The following CILK1 variants were observed in gnomAD, a reference collection of about 807,000 sequenced individuals.
CILK1 encodes the protein ciliogenesis associated kinase 1, also known as serine/threonine-protein kinase ICK.
In CILK1, 47 loss-of-function variants were observed where a neutral mutation model predicts 79.2. The observed-to-expected ratio is 0.59, with a 90% CI of 0.47 to 0.76. The LOEUF (loss-of-function observed/expected upper bound fraction) is 0.76. CILK1 is among the 30% of genes least tolerant of loss of function. CILK1 has a pLI of 0.00. For missense variants in CILK1, 660 were observed against 769.5 expected, an observed-to-expected ratio of 0.86 and a Z score of 1.68; for synonymous variants, 266 against 275.9, an observed-to-expected ratio of 0.96 and a Z score of 0.36.
chr6:53,039,139 G>A (rs756076424), intron 2 of CILK1, among the ~76,000 whole-genome samples: 62 of 152,196 alleles, frequency 4.1e-4, no homozygotes, highest in Non-Finnish European at 7.2e-4. Flanking sequence ...TTTAGCCCCT[G>A]CTATGTAGTA....
chr6:53,048,936 T>C (rs1198263638), intron 1 of CILK1, among the ~76,000 whole-genome samples: 1 of 152,136 alleles, frequency 6.6e-6, no homozygotes, highest in African/African-American at 2.4e-5. Context: ...AGGAATCTAC[T>C]CCCTAATAAA....
chr6:53,007,976 A>G (rs1303925387), intron 12 of CILK1, among the ~76,000 whole-genome samples: 3 of 150,824 alleles, frequency 2.0e-5, no homozygotes, highest in African/African-American at 7.3e-5. Flanking sequence ...TAAATAAAAT[A>G]AAATAAAATA....
At chr6:53,037,782 C>A (rs1252003804) in intron 3 of CILK1, among the ~76,000 whole-genome samples, 157 bp downstream of exon 3, 2 of 152,106 alleles carry the variant, frequency 1.3e-5, no homozygotes, top group East Asian at 3.8e-4. Flanking sequence ...TACAATTATA[C>A]CATAATCTTC....
In CILK1 at chr6:53,005,132, A is replaced by G. The variant is rs1764140686; in HGVS notation, c.*17T>C. 2 of 1,613,872 alleles carry G rather than the reference A, an allele frequency of 1.2e-6. No homozygotes were observed. The highest frequency in any genetic ancestry group is 1.7e-6 in the Non-Finnish European group (2 of 1,179,982). ...CCTGCTTCTCCCTAGGAAGAGATTC[A>G]TCACCAAGGCAGACAGTCATCGCCG... On this transcript the variant is annotated 3_prime_UTR_variant, in exon 14 of 14. Transcript: ENST00000676107.
intron 8 of CILK1, among the ~76,000 whole-genome samples, chr6:53,015,363 G>A (rs1238365947): frequency 3.3e-5 from 5 of 152,174 alleles, no homozygotes; most frequent in Non-Finnish European, 7.3e-5. Flanking sequence ...AAGTCTAAGT[G>A]GCCCATGGGA....
intron 6 of CILK1, 49 bp downstream of exon 6, chr6:53,019,178 T>A: frequency 3.2e-6 from 5 of 1,542,492 alleles, no homozygotes. Context: ...CATAATGATA[T>A]CTTTTTAAAG....
intron 5 of CILK1, among the ~76,000 whole-genome samples, chr6:53,024,477 C>G (rs222461): frequency 6.6e-6 from 1 of 152,050 alleles, no homozygotes. Context: ...ACCCTCTGTT[C>G]TTCAGAGCAC....
rs919772813 is a variant in CILK1 at position 53,061,655 on chromosome 6, G to A, written c.-232C>T. 19 of 152,446 alleles carry A rather than the reference G, an allele frequency of 1.2e-4. No individual in the cohort carries two copies. Among genetic ancestry groups the A allele is most frequent in the African/African-American group, 4.3e-4 (18 of 41,592 alleles). The allele number at this position is 152,446 out of a possible 1,614,324, so 9.4% of individuals were successfully genotyped here. A position where few individuals can be genotyped will look rare whatever the true frequency, so the allele number is the denominator to read the frequency against. On this transcript the variant is annotated 5_prime_UTR_variant, in exon 1 of 14. Transcript: ENST00000676107. ...AGGTGAGCGCAGCTCCTCGACGAGCGGGGCGCAGCCGCCCGCTCCGGAGCT... is the reference window on the plus strand; with the variant it reads ...AGGTGAGCGCAGCTCCTCGACGAGCAGGGCGCAGCCGCCCGCTCCGGAGCT...
chr6:53,034,648 C>T (rs545774399), intron 3 of CILK1, among the ~76,000 whole-genome samples: 15 of 152,268 alleles, frequency 9.9e-5, no homozygotes, highest in African/African-American at 3.4e-4. Flanking sequence ...ATGTACTGGG[C>T]CCCCAGGGTA....
chr6:53,056,159 G>A (rs1258522463), intron 1 of CILK1, among the ~76,000 whole-genome samples: 1 of 152,140 alleles, frequency 6.6e-6, no homozygotes, highest in Non-Finnish European at 1.5e-5. Context: ...TATCTTTTAC[G>A]GTAGTTACAA....
intron 5 of CILK1, among the ~76,000 whole-genome samples, chr6:53,024,649 G>T (rs1355130934): frequency 3.9e-5 from 6 of 152,060 alleles, no homozygotes; most frequent in Admixed American, 1.3e-4. Context: ...TAAAAACTCA[G>T]AGTGTTCAAA....
intron 3 of CILK1, among the ~76,000 whole-genome samples, chr6:53,033,250 CCT>C (rs1323999238): frequency 6.6e-6 from 1 of 152,048 alleles, no homozygotes; most frequent in Non-Finnish European, 1.5e-5. Flanking sequence ...AAGAGAAATC[CCT>C]CTGTTTCCAA....
At position 53,005,160 on chromosome 6, in the gene CILK1, A is replaced by G. The variant is rs776859604; in HGVS notation, c.1888T>C (p.Ser630Pro). ...GRTDWASKYA[S>P]RR The stretch of plus-strand genomic sequence containing the variant: ...ACCAAGGCAGACAGTCATCGCCGAG[A>G]TGCGTACTTGGAAGCCCAGTCTGTC... Residue 630 changes from serine (S) to proline (P), a missense_variant, in exon 14 of 14, where the codon TCT becomes CCT. Coordinates refer to ENST00000676107, the MANE Select transcript of CILK1 (RefSeq NM_014920.5). 1 of 1,614,158 alleles carries G rather than the reference A, an allele frequency of 6.2e-7. No homozygotes were observed. Among genetic ancestry groups the G allele is most frequent in the Non-Finnish European group, 8.5e-7 (1 of 1,180,032 alleles).
chr6:53,034,790 A>G (rs1336994069), intron 3 of CILK1, among the ~76,000 whole-genome samples: 2 of 152,240 alleles, frequency 1.3e-5, no homozygotes, highest in African/African-American at 4.8e-5. Flanking sequence ...GACAGAAACA[A>G]GGACCATCAG....
chr6:53,051,447 G>A (rs1767476490), intron 1 of CILK1, among the ~76,000 whole-genome samples: 1 of 152,198 alleles, frequency 6.6e-6, no homozygotes, highest in Admixed American at 6.5e-5. Context: ...ACTTCCTCCA[G>A]AGGCTCTAGA....
chr6:53,055,932 G>A (rs573256547), intron 1 of CILK1, among the ~76,000 whole-genome samples: 1 of 152,314 alleles, frequency 6.6e-6, no homozygotes, highest in African/African-American at 2.4e-5. Context: ...AACTGTAGAT[G>A]AGCTAGAACG....
In CILK1 at chr6:53,046,518, T is replaced by G. The variant is rs1581755395; in HGVS notation, c.-172-5110A>C. On this transcript the variant is annotated intron_variant, in intron 1 of 13. Transcript: ENST00000676107. The stretch of plus-strand genomic sequence containing the variant: ...GCACAGTCACCCCAACAATTCCTCC[T>G]TGTTATAGTCTGTCATATTATCAAG... 3.3e-5 allele frequency among the ~76,000 whole-genome samples: 5 copies of G among 152,318 alleles called. 1 individual carries two copies. In the South Asian group the frequency reaches 1.0e-3, roughly 32 times the overall value.
At position 53,013,689 on chromosome 6, in the gene CILK1, T is replaced by C. The variant is rs143740030; in HGVS notation, c.1125A>G (p.Pro375=). Residue 375 remains proline (P), a synonymous_variant, in exon 9 of 14, where the codon CCA becomes CCG. Transcript: ENST00000676107. ...QEDKPSPLLF[P]SLHNKHPQSK... is the part of the protein sequence containing the mutation. ...ACTGTGGATGCTTGTTGTGGAGGGATGGGAAAAGCAACGGGCTTGGCTTGT... is the reference window on the plus strand; with the variant it reads ...ACTGTGGATGCTTGTTGTGGAGGGACGGGAAAAGCAACGGGCTTGGCTTGT... 118 of 1,614,034 alleles carry C rather than the reference T, an allele frequency of 7.3e-5. No individual in the cohort carries two copies. The African/African-American group carries it at 1.4e-3, about 19-fold the overall frequency.
intron 5 of CILK1, among the ~76,000 whole-genome samples, chr6:53,029,368 G>A (rs1177585260): frequency 1.3e-5 from 2 of 152,278 alleles, no homozygotes; most frequent in East Asian, 3.9e-4. Flanking sequence ...AAATGTCAGT[G>A]GAATCAGAGA....
Sources: allele counts gnomAD v4.1 joint callset (sites outside exome capture counted in the v4.1 genomes callset), GRCh38; gene constraint gnomAD v4.1.1; transcripts MANE v1.5; gene names NCBI Gene and HGNC (gene_info 2026-07-23, HGNC 2026-07-21).